The following COP1 variants were observed in gnomAD, a reference collection of about 807,000 sequenced individuals.
COP1 encodes the protein E3 ubiquitin-protein ligase COP1.
Under a neutral mutation model 101.3 loss-of-function variants are expected in COP1, and 24 were observed. The ratio of observed to expected loss-of-function variants is 0.24; its 90% CI spans 0.17 to 0.33. COP1 has a LOEUF of 0.33. COP1 is among the 10% of genes least tolerant of loss of function. The pLI, the probability that COP1 is intolerant of heterozygous loss-of-function variation, is 1.00. For missense variants in COP1, 663 were observed against 906.2 expected (o/e 0.73, Z 3.45); for synonymous variants, 347 against 341.9 (o/e 1.01, Z -0.17).
chr1:176,160,632 C>T (rs918739576), intron 5 of COP1, among the ~76,000 whole-genome samples: 1 of 151,928 alleles, frequency 6.6e-6, no homozygotes, highest in Admixed American at 6.6e-5. Context: ...AGACACTTCT[C>T]AAAAGAAGAC....
chr1:176,038,677 G>A (rs910636072), intron 14 of COP1, among the ~76,000 whole-genome samples: 5 of 152,096 alleles, frequency 3.3e-5, no homozygotes, highest in South Asian at 2.1e-4. Flanking sequence ...AATCAGCCAC[G>A]TGTGGTGGCG....
intron 11 of COP1, among the ~76,000 whole-genome samples, chr1:176,066,570 T>C (rs1260795251): frequency 1.3e-5 from 2 of 152,170 alleles, no homozygotes; most frequent in East Asian, 3.9e-4. Flanking sequence ...AAAATGTTTG[T>C]GTTATTTACT....
At chr1:176,060,632 GA>G (rs1340598332) in intron 11 of COP1, among the ~76,000 whole-genome samples, 1 of 152,052 alleles carries the variant, frequency 6.6e-6, no homozygotes, top group African/African-American at 2.4e-5. Flanking sequence ...CAACCAATAG[GA>G]TCACAATATT....
At chr1:176,072,171 T>C (rs551879418) in intron 11 of COP1, among the ~76,000 whole-genome samples, 1 of 152,354 alleles carries the variant, frequency 6.6e-6, no homozygotes, top group Admixed American at 6.5e-5. Flanking sequence ...TCACATGTCA[T>C]TGGTAATTCA....
chr1:176,138,475 G>A (rs1031371487), intron 6 of COP1, among the ~76,000 whole-genome samples: 5 of 151,980 alleles, frequency 3.3e-5, no homozygotes, highest in African/African-American at 7.2e-5. Context: ...ACTTCCTGCC[G>A]CCTTAAAATA....
rs574415491 is a variant in COP1 at position 176,075,313 on chromosome 1, T to G, written c.1277+5839A>C. 3.9e-5 allele frequency among the ~76,000 whole-genome samples: 6 copies of G among 152,320 alleles called. No homozygotes were observed. In the South Asian group the frequency reaches 1.2e-3, roughly 32 times the overall value. ...GAATACAATAAAAGATCTCCTCCAATAGTTTCTTTAGCTAATGGCTTAAAT... is the reference window on the plus strand; with the variant it reads ...GAATACAATAAAAGATCTCCTCCAAGAGTTTCTTTAGCTAATGGCTTAAAT... On this transcript the variant is annotated intron_variant, in intron 11 of 19. Coordinates refer to ENST00000367669, the MANE Select transcript of COP1 (RefSeq NM_022457.7).
At chr1:176,097,933 G>A (rs2481638) in intron 9 of COP1, among the ~76,000 whole-genome samples, 148,867 of 151,160 alleles carry the variant, frequency 0.98, 73,355 homozygotes, top group East Asian at 1. Context: ...TTGATCAAAT[G>A]TTTTTTAAAA....
chr1:175,976,828 T>C (rs16849475), intron 18 of COP1, among the ~76,000 whole-genome samples: 10,581 of 152,302 alleles, frequency 0.069, 458 homozygotes, highest in Non-Finnish European at 0.087. Context: ...AAATAAGACA[T>C]TGAACTTCTT....
intron 18 of COP1, among the ~76,000 whole-genome samples, chr1:175,975,642 C>T (rs114409469): frequency 0.042 from 6,354 of 152,174 alleles, 157 homozygotes; most frequent in Non-Finnish European, 0.048. Context: ...ATCCTAGCCT[C>T]AAGTGATCCA....
chr1:175,947,157 G>A (rs1289968250), intron 19 of COP1, 38 bp downstream of exon 19: 1 of 1,412,262 alleles, frequency 7.1e-7, no homozygotes, highest in Non-Finnish European at 1.0e-6. Context: ...TCTAAAAATG[G>A]GCCTGAGTTT....
chr1:176,181,774 T>G (rs1572722746), intron 2 of COP1, among the ~76,000 whole-genome samples: 1 of 150,176 alleles, frequency 6.7e-6, no homozygotes, highest in South Asian at 2.1e-4. Context: ...ATCCGGGAGG[T>G]GGAGGTTGCA....
chr1:176,088,499 T>C (rs1451296511), intron 9 of COP1, among the ~76,000 whole-genome samples: 2 of 152,204 alleles, frequency 1.3e-5, no homozygotes, highest in East Asian at 1.9e-4. Flanking sequence ...TGGGATCACA[T>C]GTATGTGTTT....
At chr1:176,166,427 G>T (rs1254358247) in intron 3 of COP1, among the ~76,000 whole-genome samples, 1 of 152,060 alleles carries the variant, frequency 6.6e-6, no homozygotes, top group Admixed American at 6.5e-5. Context: ...GCCCAGCCAA[G>T]GTAGATCAAG....
At chr1:175,995,939 A>T (rs1660040944) in intron 15 of COP1, among the ~76,000 whole-genome samples, 1 of 152,136 alleles carries the variant, frequency 6.6e-6, no homozygotes, top group Non-Finnish European at 1.5e-5. Context: ...GCAGAGACAC[A>T]ACCAAAAAAG....
chr1:176,074,332 A>G (rs1272550173), intron 11 of COP1, among the ~76,000 whole-genome samples: 1 of 152,208 alleles, frequency 6.6e-6, no homozygotes. Context: ...AATATAAGAA[A>G]GTAAGAAAAG....
At chr1:176,012,742 G>A (rs1664907289) in intron 15 of COP1, among the ~76,000 whole-genome samples, 1 of 151,924 alleles carries the variant, frequency 6.6e-6, no homozygotes. Flanking sequence ...ACTTACCATT[G>A]TGCTATAATT....
At position 176,105,199 on chromosome 1, in the gene COP1, G is replaced by A. The variant is rs368366719; in HGVS notation, c.1026+11425C>T. The stretch of plus-strand genomic sequence containing the variant: ...TGGTAGAAAAGCTGAAAGGGTAGCC[G>A]TTATTGATTATAACTTTTTATACAG... On this transcript the variant is annotated intron_variant, in intron 9 of 19. Transcript: ENST00000367669. Among the ~76,000 whole-genome samples, 5 of 152,120 alleles carry A rather than the reference G, an allele frequency of 3.3e-5. No homozygotes were observed. In the South Asian group the frequency reaches 6.2e-4, roughly 19 times the overall value.
intron 18 of COP1, among the ~76,000 whole-genome samples, chr1:175,980,693 T>G (rs1337247308): frequency 6.6e-6 from 1 of 152,100 alleles, no homozygotes; most frequent in African/African-American, 2.4e-5. Flanking sequence ...CTTTTTTTTT[T>G]GCCTGAGGAT....
chr1:176,152,603 A>G (rs1431560615), intron 5 of COP1, among the ~76,000 whole-genome samples: 1 of 152,048 alleles, frequency 6.6e-6, no homozygotes, highest in Non-Finnish European at 1.5e-5. Flanking sequence ...TCGCACCACC[A>G]TGTCCAGCTA....
Sources: allele counts gnomAD v4.1 joint callset (sites outside exome capture counted in the v4.1 genomes callset), GRCh38; gene constraint gnomAD v4.1.1; transcripts MANE v1.5; gene names NCBI Gene and HGNC (gene_info 2026-07-23, HGNC 2026-07-21).